PDE1A: variants seen among roughly 807,000 people sequenced by gnomAD.
PDE1A encodes the protein dual specificity calcium/calmodulin-dependent 3',5'-cyclic nucleotide phosphodiesterase 1A.
A neutral mutation model predicts 61.7 loss-of-function variants in PDE1A; 35 were observed. That is an observed-to-expected ratio of 0.57 (90% CI 0.43 to 0.75). The LOEUF (loss-of-function observed/expected upper bound fraction) is 0.75. Ranked by LOEUF, PDE1A falls within the 30% of genes least tolerant of loss-of-function variation. The probability of loss-of-function intolerance (pLI) is 0.00; values close to 1 mark genes in which losing one functional copy is unlikely to be tolerated. For synonymous variants in PDE1A, 232 were observed against 213.2 expected (o/e 1.09, Z -0.77); for missense variants, 597 against 630.6 (o/e 0.95, Z 0.57).
intron 13 of PDE1A, among the ~76,000 whole-genome samples, chr2:182,168,832 A>G (rs929996763): frequency 3.9e-5 from 6 of 152,136 alleles, no homozygotes; most frequent in African/African-American, 1.4e-4. Context: ...ATGTTGAAAT[A>G]TGCTAACAAC....
chr2:182,609,979 T>G, the PDE1A span, among the ~76,000 whole-genome samples: 16 of 152,110 alleles, frequency 1.1e-4, no homozygotes, highest in Middle Eastern at 3.4e-3. Context: ...TCCCAGCTAC[T>G]TGGGAGGCTG....
upstream of PDE1A, among the ~76,000 whole-genome samples, chr2:182,427,599 A>G (rs1703698153): frequency 6.6e-6 from 1 of 152,152 alleles, no homozygotes; most frequent in Non-Finnish European, 1.5e-5. Context: ...TGGATTTATA[A>G]AAGTAAAAGG....
chr2:182,191,342 A>G (rs375303735), intron 10 of PDE1A, among the ~76,000 whole-genome samples: 1 of 152,108 alleles, frequency 6.6e-6, no homozygotes, highest in Non-Finnish European at 1.5e-5. Context: ...GGTTTCTAAC[A>G]TGTTGAGGAT....
chr2:182,198,990 A>T (rs138946737), intron 10 of PDE1A, among the ~76,000 whole-genome samples: 2 of 152,116 alleles, frequency 1.3e-5, no homozygotes, highest in Non-Finnish European at 2.9e-5. Flanking sequence ...AGTTTTCTTC[A>T]TAAGAAGAGT....
Position 182,292,949 on chromosome 2 carries a change from A to G in PDE1A, c.54-28535T>C, listed in dbSNP as rs535389578. Among the ~76,000 whole-genome samples, 6 of 152,214 alleles carry G rather than the reference A, an allele frequency of 3.9e-5. No individual in the cohort carries two copies. The South Asian group carries it at 6.2e-4, about 16-fold the overall frequency. On this transcript the variant is annotated intron_variant, in intron 1 of 13. Transcript: ENST00000351439. ...ATCATTGTGAGGTTTCCAATTCAGT[A>G]TATCATACATAAAAAGTAACTCCTT... is the stretch of plus-strand genomic sequence containing the variant.
At chr2:182,206,751 G>T (rs756781402) in intron 7 of PDE1A, among the ~76,000 whole-genome samples, 2 of 152,248 alleles carry the variant, frequency 1.3e-5, no homozygotes, top group Admixed American at 6.5e-5. Context: ...GGAGGTGATT[G>T]GATCTTGGGG....
intron 13 of PDE1A, among the ~76,000 whole-genome samples, chr2:182,180,099 G>C (rs561427386): frequency 2.3e-4 from 35 of 152,150 alleles, no homozygotes; most frequent in African/African-American, 5.6e-4. Context: ...ACTAGAAGTG[G>C]TAGGTACTGG....
chr2:182,426,492 A>T, intron 1 of PDE1A, 86 bp downstream of exon 1: 4 of 935,122 alleles, frequency 4.3e-6, no homozygotes, highest in South Asian at 4.0e-5. Flanking sequence ...GCTGTAGCTT[A>T]GTGGCAGAAT....
chr2:182,665,701 C>T, the PDE1A span, among the ~76,000 whole-genome samples: 1 of 152,188 alleles, frequency 6.6e-6, no homozygotes, highest in Non-Finnish European at 1.5e-5. Flanking sequence ...TTTGACCCAG[C>T]AATTCCATTA....
downstream of PDE1A, among the ~76,000 whole-genome samples, chr2:182,144,438 A>G (rs1690387318): frequency 6.6e-6 from 1 of 152,236 alleles, no homozygotes; most frequent in Non-Finnish European, 1.5e-5. Context: ...GTGGTCTAAA[A>G]TCTCCTAGAA....
At chr2:182,468,664 A>G (rs974618967) in intron 2 of PDE1A, among the ~76,000 whole-genome samples, 6 of 151,974 alleles carry the variant, frequency 3.9e-5, no homozygotes, top group African/African-American at 1.2e-4. Flanking sequence ...AGCAAATCCT[A>G]TCCAGAAGGT....
the PDE1A span, among the ~76,000 whole-genome samples, chr2:182,621,999 C>T: frequency 6.6e-6 from 1 of 152,136 alleles, no homozygotes; most frequent in Non-Finnish European, 1.5e-5. Context: ...TTAATGGCTT[C>T]ATTTGTAAAC....
intron 1 of PDE1A, among the ~76,000 whole-genome samples, chr2:182,294,970 C>T (rs933150670): frequency 2.0e-5 from 3 of 151,740 alleles, no homozygotes; most frequent in Non-Finnish European, 2.9e-5. Context: ...GAGCTGAGTG[C>T]CCCAGTTTTC....
chr2:182,466,361 A>G (rs1366250873), intron 2 of PDE1A, among the ~76,000 whole-genome samples: 1 of 151,980 alleles, frequency 6.6e-6, no homozygotes, highest in East Asian at 1.9e-4. Context: ...AAAACCCTAC[A>G]TTTGTCTTCT....
intron 2 of PDE1A, among the ~76,000 whole-genome samples, chr2:182,242,899 CCTCTCTCTCTCT>C (rs71340034): frequency 3.3e-4 from 34 of 103,754 alleles, no homozygotes; most frequent in Admixed American, 1.1e-3. Context: ...TCTCTCTCTC[CCTCTCTCTCTCT>C]CTCTCTCTCT....
chr2:182,559,836 C>A, the PDE1A span, among the ~76,000 whole-genome samples: 1 of 152,070 alleles, frequency 6.6e-6, no homozygotes, highest in Non-Finnish European at 1.5e-5. Context: ...GGATGACTCG[C>A]ACAAGTATCA....
the PDE1A span, among the ~76,000 whole-genome samples, chr2:182,700,687 A>G: frequency 1.4e-5 from 2 of 139,954 alleles, no homozygotes; most frequent in Non-Finnish European, 3.1e-5. Flanking sequence ...GTGCCTCTGC[A>G]CTCCAGCCTG....
the PDE1A span, among the ~76,000 whole-genome samples, chr2:182,616,374 G>A: frequency 6.6e-6 from 1 of 152,238 alleles, no homozygotes; most frequent in Non-Finnish European, 1.5e-5. Context: ...GCAAAGGCCA[G>A]AGTAATAGGT....
chr2:182,187,990 G>C (rs1574619077), intron 11 of PDE1A, among the ~76,000 whole-genome samples: 1 of 152,180 alleles, frequency 6.6e-6, no homozygotes, highest in East Asian at 1.9e-4. Context: ...AGATCTACCT[G>C]CCTCGGCCTC....
Sources: gnomAD v4.1 joint callset for allele counts (sites outside exome capture counted in the v4.1 genomes callset) on GRCh38, gnomAD v4.1.1 for gene constraint, MANE v1.5 for transcripts, NCBI Gene and HGNC (gene_info 2026-07-23, HGNC 2026-07-21) for gene names.